Variants in SLCO4C1 observed in about 807,000 individuals in gnomAD.
SLCO4C1 encodes solute carrier organic anion transporter family member 4C1.
A neutral mutation model predicts 72.1 loss-of-function variants in SLCO4C1; 58 were observed. That is an observed-to-expected ratio of 0.80 (90% confidence interval 0.65 to 1.00). The LOEUF (loss-of-function observed/expected upper bound fraction) is 1.00. SLCO4C1 is among the 50% of genes least tolerant of loss of function. The pLI, the probability that SLCO4C1 is intolerant of heterozygous loss-of-function variation, is 0.00. For synonymous variants in SLCO4C1, 297 were observed against 312.5 expected (o/e 0.95, Z 0.52); for missense variants, 898 against 857.9 (o/e 1.05, Z -0.58).
chr5:102,295,759 G>A (rs1749637696), intron 1 of SLCO4C1, 149 bp downstream of exon 1: 1 of 736,110 alleles, frequency 1.4e-6, no homozygotes, highest in African/African-American at 1.8e-5. Flanking sequence ...ACCTTGGTGA[G>A]AGCGCAAGCA....
intron 7 of SLCO4C1, 68 bp from the exon 8 acceptor site, chr5:102,257,378 A>C (rs1748856856): frequency 8.4e-7 from 1 of 1,185,456 alleles, no homozygotes; most frequent in East Asian, 2.6e-5. Context: ...TGACAACTGG[A>C]AAACATCAAA....
intron 2 of SLCO4C1, among the ~76,000 whole-genome samples, chr5:102,286,962 C>T (rs1210515337): frequency 6.6e-6 from 1 of 151,942 alleles, no homozygotes; most frequent in Non-Finnish European, 1.5e-5. Context: ...AGAGATTATC[C>T]CATCCAAAGT....
intron 1 of SLCO4C1, among the ~76,000 whole-genome samples, chr5:102,294,597 G>C (rs1305484254): frequency 6.6e-6 from 1 of 152,072 alleles, no homozygotes; most frequent in Non-Finnish European, 1.5e-5. Flanking sequence ...GCATTCCTTT[G>C]ACACTGAGAT....
chr5:102,256,342 T>G (rs1359284686), intron 8 of SLCO4C1, among the ~76,000 whole-genome samples: 1 of 152,254 alleles, frequency 6.6e-6, no homozygotes, highest in Non-Finnish European at 1.5e-5. Flanking sequence ...CAAACTTTTC[T>G]GAGCAAAGTA....
At chr5:102,250,845 G>C (rs1053673438) in intron 8 of SLCO4C1, among the ~76,000 whole-genome samples, 2 of 151,928 alleles carry the variant, frequency 1.3e-5, no homozygotes, top group Non-Finnish European at 2.9e-5. Context: ...AAAATTAGCT[G>C]GGCATGGTGG....
intron 2 of SLCO4C1, among the ~76,000 whole-genome samples, chr5:102,281,818 G>A (rs1241916886): frequency 6.6e-6 from 1 of 152,052 alleles, no homozygotes; most frequent in Non-Finnish European, 1.5e-5. Flanking sequence ...AATATAAAGT[G>A]ATACAGTGAA....
At chr5:102,260,885 G>T (rs560307342) in intron 5 of SLCO4C1, among the ~76,000 whole-genome samples, 51 of 152,100 alleles carry the variant, frequency 3.4e-4, no homozygotes, top group African/African-American at 1.0e-3. Flanking sequence ...AATGGCTCAG[G>T]GTAGAAAGAA....
intron 1 of SLCO4C1, among the ~76,000 whole-genome samples, chr5:102,292,259 C>T (rs1181053936): frequency 3.3e-5 from 5 of 152,064 alleles, no homozygotes; most frequent in East Asian, 1.9e-4. Context: ...GGTAAAGTCC[C>T]GTGAAGCCAG....
chr5:102,273,506 C>T (rs922794672), intron 2 of SLCO4C1, among the ~76,000 whole-genome samples: 1 of 152,090 alleles, frequency 6.6e-6, no homozygotes, highest in African/African-American at 2.4e-5. Context: ...ATTCAGACTT[C>T]CCTAAAGCAA....
chr5:102,259,675 T>G (rs1394036345), intron 6 of SLCO4C1, among the ~76,000 whole-genome samples: 1 of 152,168 alleles, frequency 6.6e-6, no homozygotes, highest in Admixed American at 6.5e-5. Context: ...TTTTGTTCTT[T>G]AGCCTCGAAT....
chr5:102,251,771 G>A (rs762174708), intron 8 of SLCO4C1, among the ~76,000 whole-genome samples: 1 of 152,142 alleles, frequency 6.6e-6, no homozygotes, highest in Non-Finnish European at 1.5e-5. Context: ...CATAGATGTA[G>A]CTGAAACCAC....
intron 3 of SLCO4C1, among the ~76,000 whole-genome samples, chr5:102,267,857 T>C (rs1319440804): frequency 1.3e-5 from 2 of 152,124 alleles, no homozygotes; most frequent in African/African-American, 4.8e-5. Context: ...GCATATTGGT[T>C]GCTCAGCAGC....
chr5:102,253,426 G>A (rs888156582), intron 8 of SLCO4C1, among the ~76,000 whole-genome samples: 1 of 152,130 alleles, frequency 6.6e-6, no homozygotes, highest in African/African-American at 2.4e-5. Flanking sequence ...AAAAGTGGGA[G>A]CTAATCACTG....
intron 2 of SLCO4C1, among the ~76,000 whole-genome samples, chr5:102,288,148 G>T (rs571736156): frequency 5.6e-4 from 85 of 152,250 alleles, no homozygotes; most frequent in African/African-American, 2.0e-3. Context: ...TTCAGTATTT[G>T]CACTTCTAGG....
chr5:102,236,984 A>G lies in SLCO4C1; in HGVS notation c.2049T>C (p.Asn683=). 1 of 1,610,594 alleles carries G rather than the reference A, an allele frequency of 6.2e-7. No homozygotes were observed. The highest frequency in any genetic ancestry group is 8.5e-7 in the Non-Finnish European group (1 of 1,179,328). ...VTCKVITMFF[N]GFAIFLYKPP... ...GTTTATACAAAAAGATTGCAAATCCATTGAAGAACATGGTGATAACTTTAC... is the reference window on the plus strand; with the variant it reads ...GTTTATACAAAAAGATTGCAAATCCGTTGAAGAACATGGTGATAACTTTAC... Residue 683 remains asparagine, a synonymous_variant, in exon 13 of 13, where the codon AAT becomes AAC. Transcript: ENST00000310954.
chr5:102,265,492 T>C (rs1749020461), intron 3 of SLCO4C1, among the ~76,000 whole-genome samples: 1 of 152,200 alleles, frequency 6.6e-6, no homozygotes, highest in African/African-American at 2.4e-5. Context: ...AGTTGATTTT[T>C]GTATATGGTG....
intron 8 of SLCO4C1, among the ~76,000 whole-genome samples, chr5:102,250,052 T>C (rs1748710276): frequency 6.6e-6 from 1 of 152,230 alleles, no homozygotes; most frequent in South Asian, 2.1e-4. Flanking sequence ...GTTTCCCATC[T>C]GGCACCAGGT....
intron 10 of SLCO4C1, among the ~76,000 whole-genome samples, chr5:102,243,161 T>C (rs1310820368): frequency 6.6e-6 from 1 of 152,070 alleles, no homozygotes; most frequent in Non-Finnish European, 1.5e-5. Flanking sequence ...CACTGTGTGG[T>C]TTCCATGCCA....
At chr5:102,257,365 T>A in intron 7 of SLCO4C1, 55 bp from the exon 8 acceptor site, 3 of 1,345,342 alleles carry the variant, frequency 2.2e-6, no homozygotes. Flanking sequence ...TACTCACTCA[T>A]ACTGACAACT....
Sources: gnomAD v4.1 joint callset for allele counts (sites outside exome capture counted in the v4.1 genomes callset) on GRCh38, gnomAD v4.1.1 for gene constraint, MANE v1.5 for transcripts, NCBI Gene and HGNC (gene_info 2026-07-23, HGNC 2026-07-21) for gene names.